CACNA1B: variants seen among roughly 807,000 people sequenced by gnomAD.
CACNA1B encodes calcium voltage-gated channel subunit alpha1 B.
In CACNA1B, 70 loss-of-function variants were observed where a neutral mutation model predicts 247.2. That is an observed-to-expected ratio of 0.28 (90% CI 0.23 to 0.35). CACNA1B has a LOEUF of 0.35. Ranked by LOEUF, CACNA1B falls within the 10% of genes least tolerant of loss-of-function variation. The pLI, the probability that CACNA1B is intolerant of heterozygous loss-of-function variation, is 1.00. For synonymous variants in CACNA1B, 1,231 were observed against 1,294.4 expected, an observed-to-expected ratio of 0.95 and a Z score of 1.05; for missense variants, 2,367 against 3,197.4, an observed-to-expected ratio of 0.74 and a Z score of 6.26.
intron 6 of CACNA1B, among the ~76,000 whole-genome samples, chr9:137,937,987 A>C (rs1670033373): frequency 6.7e-6 from 1 of 150,172 alleles, no homozygotes. Flanking sequence ...AAGACAAAGG[A>C]AAGACTCTTA....
chr9:138,024,893 C>A, intron 19 of CACNA1B, 62 bp from the exon 20 acceptor site: 1 of 1,212,532 alleles, frequency 8.2e-7, no homozygotes, highest in Non-Finnish European at 1.2e-6. Flanking sequence ...CTCTGCCTCC[C>A]GGTGCCGGGA....
At chr9:138,056,933 G>GTTTTTTTTTTTTTTTTTTTTTT (rs138277172) in intron 26 of CACNA1B, among the ~76,000 whole-genome samples, 1 of 113,496 alleles carries the variant, frequency 8.8e-6, no homozygotes, top group Non-Finnish European at 1.7e-5. Context: ...TTTTATTTGG[G>GTTTTTTTTTTTTTTTTTTTTTT]TTTTTTTTTT....
intron 10 of CACNA1B, among the ~76,000 whole-genome samples, chr9:137,963,130 T>C (rs1410658805): frequency 6.6e-6 from 1 of 152,244 alleles, no homozygotes; most frequent in African/African-American, 2.4e-5. Flanking sequence ...TTTACCACTA[T>C]GTAATACCCT....
chr9:138,112,915 G>A (rs1381607022), intron 40 of CACNA1B, among the ~76,000 whole-genome samples: 4 of 142,184 alleles, frequency 2.8e-5, no homozygotes, highest in East Asian at 2.3e-4. Flanking sequence ...TGCGGGAGAC[G>A]TGAGGGAGCA....
intron 3 of CACNA1B, among the ~76,000 whole-genome samples, chr9:137,896,221 A>G (rs1032209567): frequency 6.8e-6 from 1 of 148,022 alleles, no homozygotes; most frequent in African/African-American, 2.5e-5. Context: ...CCTGGGGGAC[A>G]GAGCGAGACT....
rs1404695651 is a variant in CACNA1B, at chr9:137,955,714, C to T, written c.1087C>T (p.Arg363Ter). ...GCATGGTAGGGAGTTTGCCAAGGAG[C>T]GAGAGAGGGTGGAGAACCGCCGCGC... ...GVLSGEFAKE[R>*]ERVENRRAFL... The change falls in exon 8 of 47, where the codon CGA (arginine) becomes TGA (stop). Residue 363 changes from arginine to a stop codon, truncating the protein, a stop_gained. Coordinates refer to ENST00000371372, the MANE Select transcript of CACNA1B (RefSeq NM_000718.4). LOFTEE classifies it high-confidence loss of function. The surrounding 1 kb of genome is among the most constrained non-coding windows in gnomAD (Gnocchi z 6.9). 4 of 1,611,766 alleles carry T rather than the reference C, an allele frequency of 2.5e-6. No homozygotes were observed. Among genetic ancestry groups the T allele is most frequent in the Admixed American group, 1.7e-5 (1 of 59,752 alleles).
rs1027723012 is a variant in CACNA1B, at chr9:137,919,330, A to G, written c.966+1899A>G. ...AAGAAAACAGAAGAGGTTGAGGAGC[A>G]GGCAGTGACGAGGTACAGGGTACTG... is the stretch of plus-strand genomic sequence containing the variant. On this transcript the variant is annotated intron_variant, in intron 6 of 46. Transcript: ENST00000371372. The surrounding 1 kb of genome is among the most constrained non-coding windows in gnomAD (Gnocchi z 4.6). 6.6e-6 allele frequency among the ~76,000 whole-genome samples: 1 copy of G among 152,254 alleles called. No individual in the cohort carries two copies. The highest frequency in any genetic ancestry group is 1.5e-5 in the Non-Finnish European group (1 of 68,046).
rs1364939365 is a variant in CACNA1B, at chr9:138,072,088, C to T, written c.4675-1400C>T. ...AGCAGATTACGGAGCTACAGGTACA[C>T]TTGTGCTGCCCTCTGGGGTCACACC... On this transcript the variant is annotated intron_variant, in intron 32 of 46. Transcript: ENST00000371372. The surrounding 1 kb of genome is among the most constrained non-coding windows in gnomAD (Gnocchi z 4.5). 6.6e-6 allele frequency among the ~76,000 whole-genome samples: 1 copy of T among 152,176 alleles called. No homozygotes were observed. Among genetic ancestry groups the T allele is most frequent in the Non-Finnish European group, 1.5e-5 (1 of 68,034 alleles).
intron 3 of CACNA1B, among the ~76,000 whole-genome samples, chr9:137,885,027 C>T (rs1956990512): frequency 7.2e-6 from 1 of 138,176 alleles, no homozygotes; most frequent in Admixed American, 7.3e-5. Flanking sequence ...GTCTCTGGCC[C>T]TCTTGGTGTC....
chr9:137,967,541 C>T (rs946135706), intron 10 of CACNA1B, among the ~76,000 whole-genome samples: 3 of 152,318 alleles, frequency 2.0e-5, no homozygotes, highest in Middle Eastern at 3.4e-3. Flanking sequence ...CTGTCTCCTC[C>T]GTTTTAACTC....
chr9:137,963,481 G>A (rs1440272475), intron 10 of CACNA1B, among the ~76,000 whole-genome samples: 3 of 152,110 alleles, frequency 2.0e-5, no homozygotes, highest in Non-Finnish European at 2.9e-5. Flanking sequence ...TGCAACCTCC[G>A]CCTCCCAAGT....
At chr9:137,982,858 G>A (rs1958310051) in intron 12 of CACNA1B, among the ~76,000 whole-genome samples, 1 of 152,166 alleles carries the variant, frequency 6.6e-6, no homozygotes, top group African/African-American at 2.4e-5. Flanking sequence ...GTGCATATTG[G>A]TGTACCTGGT....
intron 6 of CACNA1B, among the ~76,000 whole-genome samples, chr9:137,920,290 T>A (rs1957462832): frequency 1.3e-5 from 2 of 152,142 alleles, no homozygotes; most frequent in South Asian, 4.1e-4. Flanking sequence ...TCTGCCTCCT[T>A]GGTTCAAGTG....
chr9:138,086,447 T>C (rs1012463092), intron 36 of CACNA1B, among the ~76,000 whole-genome samples: 1 of 150,966 alleles, frequency 6.6e-6, no homozygotes, highest in Non-Finnish European at 1.5e-5. Flanking sequence ...ATTGCTTGAG[T>C]CCAGGAGTTC....
intron 38 of CACNA1B, among the ~76,000 whole-genome samples, chr9:138,104,137 G>A (rs1961345881): frequency 6.6e-6 from 1 of 152,246 alleles, no homozygotes; most frequent in Non-Finnish European, 1.5e-5. Context: ...GGGGCAGAAG[G>A]GCCAGATGAG....
intron 36 of CACNA1B, among the ~76,000 whole-genome samples, chr9:138,081,847 G>A (rs1264221692): frequency 6.6e-6 from 1 of 151,044 alleles, no homozygotes; most frequent in East Asian, 2.0e-4. Context: ...GACCTGTAAC[G>A]AGTAAGAAGA....
chr9:137,965,471 A>T (rs1958063684), intron 10 of CACNA1B, among the ~76,000 whole-genome samples: 1 of 152,408 alleles, frequency 6.6e-6, no homozygotes, highest in Admixed American at 6.5e-5. Flanking sequence ...GCTTGAGGCC[A>T]GGAGTTTGAG....
chr9:138,101,856 C>G (rs1354168744), intron 37 of CACNA1B, among the ~76,000 whole-genome samples: 1 of 152,254 alleles, frequency 6.6e-6, no homozygotes, highest in South Asian at 2.1e-4. Context: ...CCCAAGCCCA[C>G]AGGCAGGTGT....
rs766725533 is a variant in CACNA1B at position 137,889,444 on chromosome 9, T to A, written c.530+6561T>A. 1.1e-3 allele frequency among the ~76,000 whole-genome samples: 160 copies of A among 147,262 alleles called. 18 individuals are homozygous for A. Among genetic ancestry groups the A allele is most frequent in the Non-Finnish European group, 2.1e-3 (138 of 65,524 alleles). On this transcript the variant is annotated intron_variant, in intron 3 of 46. Coordinates refer to ENST00000371372, the MANE Select transcript of CACNA1B (RefSeq NM_000718.4). ...GGAGCGGGGGCTGAGTTCTGACAAG[T>A]CCCTGGAAAGCAGGGAGAGCCCCCG...
Sources: gnomAD v4.1 joint callset for allele counts (sites outside exome capture counted in the v4.1 genomes callset) on GRCh38, gnomAD v4.1.1 for gene constraint, Gnocchi (gnomAD v3.1) non-coding constraint, MANE v1.5 for transcripts, NCBI Gene and HGNC (gene_info 2026-07-23, HGNC 2026-07-21) for gene names.